CR1: variants seen among roughly 807,000 people sequenced by gnomAD.
CR1 encodes the protein complement C3b/C4b receptor 1 (Knops blood group).
In CR1, 116 loss-of-function variants were observed where a neutral mutation model predicts 187.3. The ratio of observed to expected loss-of-function variants is 0.62; its 90% CI spans 0.53 to 0.72. The LOEUF is 0.72. CR1 is among the 30% of genes least tolerant of loss of function. The pLI, the probability that CR1 is intolerant of heterozygous loss-of-function variation, is 0.00. For missense variants in CR1, 1,731 were observed against 2,110.7 expected (o/e 0.82, Z 3.52); for synonymous variants, 576 against 747.1 (o/e 0.77, Z 3.73).
At chr1:207,577,750 C>G in intron 28 of CR1, 55 bp from the exon 29 acceptor site, 1 of 1,602,764 alleles carries the variant, frequency 6.2e-7, no homozygotes, top group South Asian at 1.1e-5. Flanking sequence ...GCCTGGGTGA[C>G]AGCAAGACTC....
chr1:207,524,120 G>A, intron 5 of CR1, 111 bp downstream of exon 5: 11 of 1,594,390 alleles, frequency 6.9e-6, no homozygotes, highest in East Asian at 2.3e-5. Flanking sequence ...GGGTCGAGGA[G>A]CAAATTTTCT....
intron 35 of CR1, among the ~76,000 whole-genome samples, chr1:207,592,567 T>A (rs1000962011): frequency 6.6e-6 from 1 of 152,138 alleles, no homozygotes; most frequent in Non-Finnish European, 1.5e-5. Flanking sequence ...CCACTCCTAT[T>A]CAACATAGTA....
At chr1:207,610,873 T>C (rs776280589) in intron 37 of CR1, among the ~76,000 whole-genome samples, 34 of 152,172 alleles carry the variant, frequency 2.2e-4, no homozygotes, top group Admixed American at 3.9e-4. Flanking sequence ...AGGCATGCAA[T>C]GTAAAATAAT....
chr1:207,566,119 CCTT>C (rs2102325193), intron 24 of CR1, among the ~76,000 whole-genome samples, 196 bp downstream of exon 24: 1 of 150,498 alleles, frequency 6.6e-6, no homozygotes, highest in Admixed American at 6.6e-5. Context: ...CTGTCTCTGT[CCTT>C]CTGCATTCTC....
chr1:207,623,603 C>G (rs1275653753), intron 45 of CR1, among the ~76,000 whole-genome samples: 1 of 43,786 alleles, frequency 2.3e-5, no homozygotes, highest in Admixed American at 3.1e-4. Flanking sequence ...CACACACACA[C>G]ACACACACAC....
chr1:207,623,275 A>G (rs1173984475), intron 45 of CR1, among the ~76,000 whole-genome samples: 2 of 26,732 alleles, frequency 7.5e-5, no homozygotes, highest in Non-Finnish European at 1.3e-4. Flanking sequence ...AAAAATAATA[A>G]TAATAACAAA....
intron 23 of CR1, 99 bp from the exon 24 acceptor site, chr1:207,565,739 G>C (rs1660473416): frequency 6.5e-7 from 1 of 1,531,656 alleles, no homozygotes; most frequent in Non-Finnish European, 9.0e-7. Context: ...GCTGGCCTCA[G>C]ATCCTCAAAA....
At chr1:207,505,461 C>T (rs1444113970) in intron 1 of CR1, among the ~76,000 whole-genome samples, 1 of 152,158 alleles carries the variant, frequency 6.6e-6, no homozygotes, top group African/African-American at 2.4e-5. Context: ...ACCACTCCTG[C>T]ACCCCTTGGC....
intron 35 of CR1, among the ~76,000 whole-genome samples, chr1:207,595,538 AAGT>A (rs1432640759): frequency 6.6e-6 from 1 of 152,112 alleles, no homozygotes; most frequent in African/African-American, 2.4e-5. Context: ...CTGTAACACT[AAGT>A]AGTAGAAGTT....
rs1487412107 is a variant in CR1 at position 207,636,599 on chromosome 1, TAGA to T, written c.7458-2796_7458-2794del. On this transcript the variant is annotated intron_variant, in intron 46 of 46. Transcript: ENST00000367049. ...CCAGATTGTGAATTCCACAATCTTG[TAGA>T]ATTTTTTTGCCAATCATTAACAAAG... Among the ~76,000 whole-genome samples, 4 of 152,312 alleles carry T rather than the reference TAGA, an allele frequency of 2.6e-5. No homozygotes were observed. The East Asian group carries it at 5.8e-4, about 22-fold the overall frequency.
At chr1:207,621,285 C>T (rs1290631111) in intron 43 of CR1, among the ~76,000 whole-genome samples, 5 of 151,840 alleles carry the variant, frequency 3.3e-5, no homozygotes, top group African/African-American at 7.3e-5. Context: ...AAAAATTGTC[C>T]ATTAAATTAA....
chr1:207,611,819 G>C lies in CR1; in HGVS notation c.6438G>C (p.Gln2146His), dbSNP rs551820345. The C allele has an allele frequency of 1.2e-6, 2 of 1,613,980 alleles. No homozygotes were observed. Among genetic ancestry groups the C allele is most frequent in the East Asian group, 4.5e-5 (2 of 44,880 alleles). The change falls in exon 38 of 47, where the codon CAG (glutamine) becomes CAC (histidine). Residue 2146 changes from glutamine (Q) to histidine (H), a missense_variant. Around this residue, in one of 5 missense-constraint regions of CR1, gnomAD observed 1,312 missense variants for 1,379.6 expected, o/e 0.95. Coordinates refer to ENST00000367049, the MANE Select transcript of CR1 (RefSeq NM_000651.6). Reference protein sequence around the residue: ...RGAASLHCTPQGDWSPEAPRC... With the variant: ...RGAASLHCTPHGDWSPEAPRC... Reference sequence around the variant, plus strand: ...CTGCGTCTCTGCACTGCACGCCCCAGGGAGACTGGAGCCCTGAAGCCCCTA... The same window carrying C: ...CTGCGTCTCTGCACTGCACGCCCCACGGAGACTGGAGCCCTGAAGCCCCTA...
intron 5 of CR1, among the ~76,000 whole-genome samples, chr1:207,525,103 A>T (rs1660127911): frequency 6.6e-6 from 1 of 151,970 alleles, no homozygotes; most frequent in South Asian, 2.1e-4. Context: ...CTTTGGAACA[A>T]GCAGATCTCG....
intron 28 of CR1, 35 bp from the exon 29 acceptor site, chr1:207,577,770 G>T: frequency 2.5e-6 from 4 of 1,612,012 alleles, no homozygotes; most frequent in Non-Finnish European, 3.4e-6. Context: ...CTGTCCCAAG[G>T]TTTTGTTTTG....
At chr1:207,509,118 T>C (rs1659538287) in intron 3 of CR1, among the ~76,000 whole-genome samples, 2 of 152,210 alleles carry the variant, frequency 1.3e-5, no homozygotes, top group African/African-American at 4.8e-5. Context: ...TTTCCTAACC[T>C]ATCCACCTGG....
intron 45 of CR1, 48 bp from the exon 46 acceptor site, chr1:207,630,469 T>C (rs1351326297): frequency 2.5e-6 from 3 of 1,212,738 alleles, no homozygotes; most frequent in Non-Finnish European, 3.4e-6. Context: ...TCAAAACAGA[T>C]ACTTAAATGA....
chr1:207,605,084 C>A (rs1329537418), intron 35 of CR1, among the ~76,000 whole-genome samples: 1 of 151,842 alleles, frequency 6.6e-6, no homozygotes, highest in Non-Finnish European at 1.5e-5. Context: ...AATGGCAAAA[C>A]CCTGTCTCTA....
At position 207,580,189 on chromosome 1, in the gene CR1, T is replaced by C. The variant is rs370191816; in HGVS notation, c.4937-51T>C. On this transcript the variant is annotated intron_variant, in intron 29 of 46. Coordinates refer to ENST00000367049, the MANE Select transcript of CR1 (RefSeq NM_000651.6). ...CTAGCTATGAGGTCTTCAGGAAGCA[T>C]AGGAAATTCCCCCATAACTAACAAG... 5 of 1,597,690 alleles carry C rather than the reference T, an allele frequency of 3.1e-6. No homozygotes were observed. The South Asian group carries it at 3.4e-5, about 11-fold the overall frequency.
intron 33 of CR1, among the ~76,000 whole-genome samples, chr1:207,585,964 C>T (rs1418738254): frequency 6.6e-6 from 1 of 151,904 alleles, no homozygotes; most frequent in Non-Finnish European, 1.5e-5. Context: ...CAGCAAGCTC[C>T]TAACTCTACA....
Sources: allele counts gnomAD v4.1 joint callset (sites outside exome capture counted in the v4.1 genomes callset), GRCh38; gene constraint gnomAD v4.1.1; regional missense constraint gnomAD v4.1.1; transcripts MANE v1.5; gene names NCBI Gene and HGNC (gene_info 2026-07-23, HGNC 2026-07-21).